The following KANTR variants were observed in gnomAD, a reference collection of about 807,000 sequenced individuals.
KANTR encodes KANTR integral membrane protein, also known as KDM5C adjacent transcript.
intron 2 of KANTR, among the ~76,000 whole-genome samples, chrX:53,105,927 G>A (rs1465883992): frequency 1.1e-4 from 10 of 91,184 alleles, no homozygotes; most frequent in Non-Finnish European, 2.1e-4. Context: ...GCGCGATCTC[G>A]GCTCACTGCA....
downstream of KANTR, chrX:53,143,615 T>C (rs1556818840): frequency 2.9e-6 from 2 of 691,244 alleles, no homozygotes. Context: ...ACCGGGTGCT[T>C]CTCTGGGGTC....
chrX:53,121,786 A>T (rs1556815549), intron 2 of KANTR, among the ~76,000 whole-genome samples: 1 of 111,616 alleles, frequency 9.0e-6, no homozygotes, highest in Admixed American at 9.5e-5. Context: ...CAGAGTTTAA[A>T]TGCCTTTCTT....
downstream of KANTR, among the ~76,000 whole-genome samples, chrX:53,130,941 C>T (rs1473225722): frequency 2.7e-5 from 3 of 111,108 alleles, no homozygotes; most frequent in African/African-American, 6.6e-5. Context: ...AGAGCAGTAC[C>T]ATATGGGGGA....
intron 2 of KANTR, among the ~76,000 whole-genome samples, chrX:53,139,845 G>A (rs992266645): frequency 9.0e-6 from 1 of 110,634 alleles, no homozygotes. Context: ...ACAAAAGAAG[G>A]AGGAGGAGGC....
intron 2 of KANTR, among the ~76,000 whole-genome samples, chrX:53,109,264 G>A (rs868949502): frequency 2.7e-5 from 3 of 111,931 alleles, no homozygotes; most frequent in Middle Eastern, 4.6e-3. Flanking sequence ...TTATTCCTAA[G>A]TTTGTTTTTT....
At chrX:53,124,794 C>T (rs1933273616) in exon 3 of KANTR, 1 of 158,286 alleles carries the variant, frequency 6.3e-6, no homozygotes, top group Non-Finnish European at 1.2e-5. Context: ...GTTTGTGTGA[C>T]AACAACTCTG....
chrX:53,112,533 C>T (rs1933057539), intron 2 of KANTR, among the ~76,000 whole-genome samples: 1 of 111,944 alleles, frequency 8.9e-6, no homozygotes, highest in African/African-American at 3.2e-5. Context: ...TTTTTTCCTT[C>T]AGCACACTGA....
chrX:53,145,384 G>A (rs1488278937), downstream of KANTR, among the ~76,000 whole-genome samples: 1 of 112,006 alleles, frequency 8.9e-6, no homozygotes, highest in Non-Finnish European at 1.9e-5. Context: ...AGGGTCCTAC[G>A]CCCACAGATT....
chrX:53,097,108 G>T (rs1265799855), intron 1 of KANTR, among the ~76,000 whole-genome samples: 1 of 110,519 alleles, frequency 9.0e-6, no homozygotes, highest in African/African-American at 3.3e-5. Context: ...GCGAAACTTC[G>T]TCTCAAAAAA....
At chrX:53,147,274 C>T (rs1280956787), downstream of KANTR, among the ~76,000 whole-genome samples, 3 of 111,356 alleles carry the variant, frequency 2.7e-5, no homozygotes, top group Admixed American at 1.9e-4. Flanking sequence ...TGGAGGAAGA[C>T]CTACGAAGCA....
chrX:53,141,198 T>G (rs1933497374), intron 2 of KANTR, among the ~76,000 whole-genome samples: 1 of 112,335 alleles, frequency 8.9e-6, no homozygotes, highest in Non-Finnish European at 1.9e-5. Flanking sequence ...AAATTATATT[T>G]GAACAGTGTG....
chrX:53,103,142 G>A (rs994036978), intron 2 of KANTR, among the ~76,000 whole-genome samples: 4 of 109,164 alleles, frequency 3.7e-5, no homozygotes, highest in Non-Finnish European at 5.7e-5. Context: ...CTGCCACCAC[G>A]CTCAGCTAAT....
intron 2 of KANTR, among the ~76,000 whole-genome samples, chrX:53,139,307 G>A (rs1470861439): frequency 9.0e-6 from 1 of 111,304 alleles, no homozygotes; most frequent in African/African-American, 3.3e-5. Context: ...AGAAATTGTA[G>A]GGAGATGTCT....
downstream of KANTR, chrX:53,143,658 G>T (rs1186665962): frequency 8.2e-6 from 6 of 735,230 alleles, no homozygotes; most frequent in African/African-American, 1.0e-4. Flanking sequence ...TGTGGTGCCA[G>T]ATCTTCTCCA....
intron 2 of KANTR, among the ~76,000 whole-genome samples, chrX:53,101,867 C>T (rs1602112885): frequency 9.0e-6 from 1 of 110,859 alleles, no homozygotes; most frequent in Non-Finnish European, 1.9e-5. Flanking sequence ...GGTGCTGTGG[C>T]GTGCGCCGCT....
chrX:53,134,100 G>A lies in KANTR; in HGVS notation n.204-7748G>A, dbSNP rs1933391938. ...AAGCAGGCCAGGCACAGTGACTCAC[G>A]CCTATAATCCCAGCACTTTGGGAGG... On this transcript the variant is annotated intron_variant and non_coding_transcript_variant, in intron 2 of 2. Coordinates refer to the KANTR transcript ENST00000366185. Among the ~76,000 whole-genome samples the A allele has an allele frequency of 1.8e-5, 2 of 111,824 alleles. 1 individual carries two copies. Among genetic ancestry groups the A allele is most frequent in the South Asian group, 7.5e-4 (2 of 2,663 alleles).
chrX:53,142,782 A>G (rs782048101), downstream of KANTR: 6 of 465,152 alleles, frequency 1.3e-5, no homozygotes, highest in Admixed American at 2.6e-5. Flanking sequence ...GGCCAGACTC[A>G]TCATACATAC....
intron 2 of KANTR, among the ~76,000 whole-genome samples, chrX:53,141,495 T>C (rs1933501141): frequency 8.9e-6 from 1 of 112,046 alleles, no homozygotes; most frequent in South Asian, 3.7e-4. Flanking sequence ...AGAATCAGCA[T>C]CTATTATTAG....
At chrX:53,112,436 C>A (rs1310410771) in intron 2 of KANTR, among the ~76,000 whole-genome samples, 3 of 111,960 alleles carry the variant, frequency 2.7e-5, no homozygotes, top group Non-Finnish European at 5.6e-5. Context: ...TATAAACATG[C>A]GTGTGCAAGT....
Sources: gnomAD v4.1 joint callset for allele counts (sites outside exome capture counted in the v4.1 genomes callset) on GRCh38, gnomAD v4.1.1 for gene constraint, MANE v1.5 for transcripts, NCBI Gene and HGNC (gene_info 2026-07-23, HGNC 2026-07-21) for gene names.